CORO1C: variants seen among roughly 807,000 people sequenced by gnomAD.
The protein encoded by CORO1C is coronin-1C.
In CORO1C, 14 loss-of-function variants were observed where a neutral mutation model predicts 51.2. The ratio of observed to expected loss-of-function variants is 0.27; its 90% CI spans 0.18 to 0.43. The LOEUF (loss-of-function observed/expected upper bound fraction) is 0.43, where lower values mean the gene tolerates loss of function less well. CORO1C is among the 20% of genes least tolerant of loss of function. CORO1C has a pLI of 1.00. For synonymous variants in CORO1C, 181 were observed against 210.5 expected (o/e 0.86, Z 1.21); for missense variants, 417 against 607.8 (o/e 0.69, Z 3.30).
At chr12:108,674,251 A>G (rs2033820507) in intron 3 of CORO1C, among the ~76,000 whole-genome samples, 1 of 152,234 alleles carries the variant, frequency 6.6e-6, no homozygotes. Context: ...CCCCTGATGG[A>G]TCTGGGCAAA....
chr12:108,687,958 C>CA (rs1371195839), intron 2 of CORO1C, among the ~76,000 whole-genome samples: 2 of 148,120 alleles, frequency 1.4e-5, no homozygotes, highest in African/African-American at 5.0e-5. Context: ...CTCACTCTGT[C>CA]ACCCAGGCTG....
At chr12:108,718,745 T>A (rs1460301929) in intron 1 of CORO1C, among the ~76,000 whole-genome samples, 1 of 152,126 alleles carries the variant, frequency 6.6e-6, no homozygotes, top group Non-Finnish European at 1.5e-5. Flanking sequence ...TATCAGCATA[T>A]GCATCTTCTA....
At chr12:108,726,287 CG>C (rs1264003001) in intron 1 of CORO1C, among the ~76,000 whole-genome samples, 2 of 150,886 alleles carry the variant, frequency 1.3e-5, no homozygotes, top group Non-Finnish European at 3.0e-5. Context: ...GGTGTAGTGG[CG>C]GGCGCCTGTA....
chr12:108,666,547 T>C (rs940825816), intron 3 of CORO1C, among the ~76,000 whole-genome samples: 3 of 152,176 alleles, frequency 2.0e-5, no homozygotes, highest in Admixed American at 1.3e-4. Flanking sequence ...TTCAGGGTTG[T>C]CTGCTACTCT....
intron 1 of CORO1C, chr12:108,730,732 G>A: frequency 6.5e-6 from 1 of 153,272 alleles, no homozygotes; most frequent in Non-Finnish European, 1.4e-5. Context: ...TGCTCCCTTG[G>A]CCGGGCTCAG....
At chr12:108,661,929 T>C in intron 4 of CORO1C, 100 bp downstream of exon 4, 2 of 1,376,190 alleles carry the variant, frequency 1.5e-6, no homozygotes, top group African/African-American at 1.4e-5. Context: ...TAATCTGCTT[T>C]AAAACCATAT....
intron 2 of CORO1C, among the ~76,000 whole-genome samples, chr12:108,693,800 G>A (rs1233837329): frequency 6.6e-6 from 1 of 152,098 alleles, no homozygotes; most frequent in Non-Finnish European, 1.5e-5. Flanking sequence ...TTTAAAAGTT[G>A]GGTTGGCTCC....
At chr12:108,702,888 C>A (rs1039178765) in intron 1 of CORO1C, 1 of 1,535,818 alleles carries the variant, frequency 6.5e-7, no homozygotes, top group Non-Finnish European at 8.7e-7. Flanking sequence ...AATTGAGCAT[C>A]CACGTTCCTT....
At chr12:108,688,635 G>A (rs750370490) in intron 2 of CORO1C, among the ~76,000 whole-genome samples, 29 of 152,164 alleles carry the variant, frequency 1.9e-4, no homozygotes, top group Non-Finnish European at 2.6e-4. Flanking sequence ...AGCTGGGCAC[G>A]GTGGCTCACA....
chr12:108,662,742 A>G (rs2136813820), intron 3 of CORO1C, among the ~76,000 whole-genome samples: 1 of 152,306 alleles, frequency 6.6e-6, no homozygotes, highest in Middle Eastern at 3.4e-3. Flanking sequence ...TATTTTCTAT[A>G]ATTTTACACT....
intron 1 of CORO1C, among the ~76,000 whole-genome samples, chr12:108,707,885 A>C (rs1003571719): frequency 2.0e-4 from 30 of 152,242 alleles, no homozygotes; most frequent in African/African-American, 7.0e-4. Context: ...AAGTTGCTGG[A>C]CATCATTAAT....
intron 1 of CORO1C, among the ~76,000 whole-genome samples, chr12:108,726,224 T>C (rs910237568): frequency 1.2e-4 from 18 of 152,090 alleles, no homozygotes; most frequent in African/African-American, 4.3e-4. Flanking sequence ...GAGATCATCC[T>C]GGCTAACACA....
At chr12:108,698,837 A>G (rs543279911) in intron 2 of CORO1C, among the ~76,000 whole-genome samples, 19 of 152,356 alleles carry the variant, frequency 1.2e-4, no homozygotes, top group Admixed American at 3.3e-4. Context: ...CAGCTCATCA[A>G]TTCCCAGATT....
intron 1 of CORO1C, among the ~76,000 whole-genome samples, chr12:108,710,847 C>T (rs931759092): frequency 4.6e-5 from 7 of 152,124 alleles, no homozygotes; most frequent in African/African-American, 1.7e-4. Flanking sequence ...CAGGTGTGAG[C>T]CACCGCGCCT....
rs1422097910 is a variant in CORO1C at position 108,647,346 on chromosome 12, A to C, written c.*57T>G. ...CCTCCCTAGGACCACACCAATAACC[A>C]GCTCCCAAGCACAAGTTCTTGCTCC... On this transcript the variant is annotated 3_prime_UTR_variant, in exon 11 of 11. Transcript: ENST00000261401. 6.4e-7 allele frequency: 1 copy of C among 1,571,916 alleles called. No individual in the cohort carries two copies. The highest frequency in any genetic ancestry group is 1.8e-5 in the Admixed American group (1 of 55,478).
At position 108,688,634 on chromosome 12, in the gene CORO1C, C is replaced by T. The variant is rs550787976; in HGVS notation, c.196-10240G>A. Among the ~76,000 whole-genome samples, 10 of 152,254 alleles carry T rather than the reference C, an allele frequency of 6.6e-5. No homozygotes were observed. The South Asian group carries it at 1.0e-3, about 16-fold the overall frequency. On this transcript the variant is annotated intron_variant, in intron 2 of 10. Transcript: ENST00000261401. ...AAAATGGATCAATCTAAGCTGGGCACGGTGGCTCACACCTGTAATCCCAGC... is the reference window on the plus strand; with the variant it reads ...AAAATGGATCAATCTAAGCTGGGCATGGTGGCTCACACCTGTAATCCCAGC...
rs575576894 is a variant in CORO1C, at chr12:108,703,755, G to T, written c.-5-2432C>A. Among the ~76,000 whole-genome samples, 13 of 131,732 alleles carry T rather than the reference G, an allele frequency of 9.9e-5. No homozygotes were observed. The East Asian group carries it at 3.8e-3, about 39-fold the overall frequency. The allele number at this position is 131,732 out of a possible 152,430, so 86.4% of individuals were successfully genotyped here. A position where few individuals can be genotyped will look rare whatever the true frequency, so the allele number is the denominator to read the frequency against. ...CTGGCCTGCCCTCTCCCCAGCAGAA[G>T]CCAGGAGAGGCCTGACTATGGGCCT... On this transcript the variant is annotated intron_variant, in intron 1 of 10. Transcript: ENST00000261401.
In CORO1C at chr12:108,654,294, AT is replaced by A; in HGVS notation, c.855+11del. 1 of 1,542,518 alleles carries A rather than the reference AT, an allele frequency of 6.5e-7. No individual in the cohort carries two copies. The highest frequency in any genetic ancestry group is 9.0e-7 in the Non-Finnish European group (1 of 1,116,428). ...ACAGGATTTAACACCAAACATCAAA[AT>A]TACTGTTTACCTTTCCACATAAGTA... is the stretch of plus-strand genomic sequence containing the variant. On this transcript the variant is annotated intron_variant, in intron 7 of 10. Transcript: ENST00000261401.
At chr12:108,664,012 G>C (rs919809016) in intron 3 of CORO1C, among the ~76,000 whole-genome samples, 1 of 152,138 alleles carries the variant, frequency 6.6e-6, no homozygotes, top group Non-Finnish European at 1.5e-5. Flanking sequence ...GTTTCAAAAG[G>C]TTAAGAAACA....
Sources: allele counts gnomAD v4.1 joint callset (sites outside exome capture counted in the v4.1 genomes callset), GRCh38; gene constraint gnomAD v4.1.1; transcripts MANE v1.5; gene names NCBI Gene and HGNC (gene_info 2026-07-23, HGNC 2026-07-21).